SBF2: variants seen among roughly 807,000 people sequenced by gnomAD.
SBF2 encodes the protein SET binding factor 2, also known as myotubularin-related protein 13.
In SBF2, 112 loss-of-function variants were observed where a neutral mutation model predicts 225.2. The ratio of observed to expected loss-of-function variants is 0.50; its 90% CI spans 0.43 to 0.58. SBF2 has a LOEUF of 0.58. Ranked by LOEUF, SBF2 falls within the 20% of genes least tolerant of loss-of-function variation. The pLI is 0.00. For synonymous variants in SBF2, 763 were observed against 773.3 expected (o/e 0.99, Z 0.22); for missense variants, 1,996 against 2,206.2 (o/e 0.90, Z 1.91).
At chr11:9,930,880 C>T (rs1205098335) in intron 16 of SBF2, among the ~76,000 whole-genome samples, 1 of 152,204 alleles carries the variant, frequency 6.6e-6, no homozygotes, top group Non-Finnish European at 1.5e-5. Flanking sequence ...CCTGGAAAAA[C>T]GGGACACTCC....
chr11:10,299,337 C>CAAAAAA (rs5789634), intron 1 of SBF2, among the ~76,000 whole-genome samples: 2 of 63,150 alleles, frequency 3.2e-5, no homozygotes, highest in Non-Finnish European at 5.5e-5. Flanking sequence ...GAGTCCATCT[C>CAAAAAA]AAAAAAAAAA....
chr11:9,992,320 T>A, intron 12 of SBF2, 95 bp downstream of exon 12: 1 of 927,164 alleles, frequency 1.1e-6, no homozygotes, highest in Non-Finnish European at 1.6e-6. Context: ...CTAATTTATA[T>A]TTGACTATAT....
At chr11:9,850,281 G>A in intron 21 of SBF2, 63 bp from the exon 22 acceptor site, 3 of 1,495,634 alleles carry the variant, frequency 2.0e-6, no homozygotes. Context: ...TTGGAGACAG[G>A]GTCTTGCTCT....
chr11:10,299,587 T>C (rs1964576861), intron 1 of SBF2, among the ~76,000 whole-genome samples: 1 of 152,164 alleles, frequency 6.6e-6, no homozygotes, highest in Non-Finnish European at 1.5e-5. Flanking sequence ...TGTTGGAGAA[T>C]TTCAAAACAG....
chr11:9,949,323 TGAC>T (rs1193182890), intron 16 of SBF2, among the ~76,000 whole-genome samples: 2 of 152,148 alleles, frequency 1.3e-5, no homozygotes, highest in Non-Finnish European at 2.9e-5. Context: ...CTAAAAATAA[TGAC>T]AGCTACTGAC....
chr11:10,068,044 T>C (rs1048817634), intron 2 of SBF2, among the ~76,000 whole-genome samples: 9 of 152,174 alleles, frequency 5.9e-5, no homozygotes, highest in African/African-American at 2.2e-4. Context: ...CAGGGGATAA[T>C]GAAATCATGA....
At chr11:10,033,783 C>A (rs1949344792) in intron 3 of SBF2, among the ~76,000 whole-genome samples, 1 of 151,902 alleles carries the variant, frequency 6.6e-6, no homozygotes, top group Non-Finnish European at 1.5e-5. Flanking sequence ...AATAATTTAT[C>A]ATGTCAGAGG....
intron 1 of SBF2, among the ~76,000 whole-genome samples, chr11:10,282,391 A>G (rs1347201099): frequency 1.3e-5 from 2 of 152,044 alleles, no homozygotes; most frequent in Non-Finnish European, 2.9e-5. Flanking sequence ...ATATTTGACA[A>G]TCAGCTGGCT....
intron 2 of SBF2, among the ~76,000 whole-genome samples, chr11:10,105,137 A>G (rs1346428185): frequency 6.6e-6 from 1 of 152,132 alleles, no homozygotes; most frequent in Non-Finnish European, 1.5e-5. Flanking sequence ...CTATTCACTG[A>G]AAGACTTTGT....
intron 1 of SBF2, among the ~76,000 whole-genome samples, chr11:10,213,401 C>T (rs1440943249): frequency 6.6e-6 from 1 of 152,170 alleles, no homozygotes; most frequent in Non-Finnish European, 1.5e-5. Context: ...CTCCTAGCTG[C>T]TTCAGCAAGA....
chr11:10,207,532 T>C (rs1190547628), intron 1 of SBF2, among the ~76,000 whole-genome samples: 1 of 152,104 alleles, frequency 6.6e-6, no homozygotes, highest in African/African-American at 2.4e-5. Flanking sequence ...CAACAACCTT[T>C]AAGATTGCTT....
intron 2 of SBF2, among the ~76,000 whole-genome samples, chr11:10,186,269 G>A (rs1404084571): frequency 2.0e-5 from 3 of 152,154 alleles, no homozygotes; most frequent in Non-Finnish European, 4.4e-5. Flanking sequence ...CAAGCACAGC[G>A]GCTCATGCCT....
At chr11:10,018,050 A>G (rs1948715283) in intron 6 of SBF2, among the ~76,000 whole-genome samples, 1 of 152,090 alleles carries the variant, frequency 6.6e-6, no homozygotes, top group Non-Finnish European at 1.5e-5. Flanking sequence ...GAGCCTTGTG[A>G]GTAGAGCAGC....
intron 2 of SBF2, among the ~76,000 whole-genome samples, chr11:10,120,233 G>A (rs139566792): frequency 1.3e-5 from 2 of 152,116 alleles, no homozygotes; most frequent in Non-Finnish European, 2.9e-5. Flanking sequence ...ATGTTCTCAT[G>A]GTTTATCCAT....
chr11:10,264,601 A>G (rs1432553431), intron 1 of SBF2, among the ~76,000 whole-genome samples: 10 of 152,122 alleles, frequency 6.6e-5, no homozygotes, highest in Admixed American at 6.5e-4. Context: ...AATTTTTATT[A>G]TACTTTAAGT....
intron 1 of SBF2, among the ~76,000 whole-genome samples, chr11:10,289,033 C>T (rs951941390): frequency 2.0e-5 from 3 of 152,236 alleles, no homozygotes; most frequent in Non-Finnish European, 4.4e-5. Flanking sequence ...CACCAAACCT[C>T]CCTCAAACCC....
intron 14 of SBF2, among the ~76,000 whole-genome samples, chr11:9,967,971 C>CCA (rs1867064439): frequency 1.1e-5 from 1 of 91,506 alleles, no homozygotes; most frequent in Non-Finnish European, 2.3e-5. Context: ...CTCTCTCTCT[C>CCA]TATATATATA....
intron 2 of SBF2, among the ~76,000 whole-genome samples, chr11:10,075,467 T>G (rs755098152): frequency 1.3e-5 from 2 of 152,220 alleles, no homozygotes; most frequent in Non-Finnish European, 2.9e-5. Context: ...AATCTTATGT[T>G]GAATCGTGAT....
At chr11:10,005,529 C>T (rs947219844) in intron 6 of SBF2, among the ~76,000 whole-genome samples, 1 of 152,144 alleles carries the variant, frequency 6.6e-6, no homozygotes, top group Admixed American at 6.5e-5. Context: ...TGCTCTAATA[C>T]TTTAAAATAA....
Sources: gnomAD v4.1 joint callset for allele counts (sites outside exome capture counted in the v4.1 genomes callset) on GRCh38, gnomAD v4.1.1 for gene constraint, MANE v1.5 for transcripts, NCBI Gene and HGNC (gene_info 2026-07-23, HGNC 2026-07-21) for gene names.